Variants in MAP3K1 observed in about 807,000 individuals in gnomAD.
MAP3K1 encodes mitogen-activated protein kinase kinase kinase 1.
Under a neutral mutation model 144.2 loss-of-function variants are expected in MAP3K1, and 36 were observed. The ratio of observed to expected loss-of-function variants is 0.25; its 90% CI spans 0.19 to 0.33. The LOEUF (loss-of-function observed/expected upper bound fraction) is 0.33, where lower values mean the gene tolerates loss of function less well. Ranked by LOEUF, MAP3K1 falls within the 10% of genes least tolerant of loss-of-function variation. The pLI is 1.00. For synonymous variants in MAP3K1, 718 were observed against 688.7 expected (o/e 1.04, Z -0.67); for missense variants, 1,650 against 1,881.9 (o/e 0.88, Z 2.28).
chr5:56,816,768 C>CA (rs1745988314), intron 1 of MAP3K1, among the ~76,000 whole-genome samples: 13 of 152,210 alleles, frequency 8.5e-5, no homozygotes, highest in African/African-American at 3.1e-4. Flanking sequence ...TTAGGAAGTG[C>CA]GGTTTGTCTA....
rs575760766 is a variant in MAP3K1 at position 56,884,055 on chromosome 5, A to G, written c.3819+376A>G. The stretch of plus-strand genomic sequence containing the variant: ...TCCCAGCTACTCAGGAGGCTGAGAC[A>G]GAAGAATTGCTTGAACTCAGGAGGT... On this transcript the variant is annotated intron_variant, in intron 15 of 19. Coordinates refer to ENST00000399503, the MANE Select transcript of MAP3K1 (RefSeq NM_005921.2). Among the ~76,000 whole-genome samples, 4 of 152,296 alleles carry G rather than the reference A, an allele frequency of 2.6e-5. No individual in the cohort carries two copies. In the East Asian group the frequency reaches 7.7e-4, roughly 29 times the overall value.
In MAP3K1 at chr5:56,881,803, C is replaced by G; in HGVS notation, c.2603C>G (p.Ala868Gly). ...AIADEVEIAE[A>G]IQLGVEDTLD... ...GCAGATGAGGTGGAAATTGCCGAAGCCATCCAGTTGGGCGTAGAAGACACT... is the reference window on the plus strand; with the variant it reads ...GCAGATGAGGTGGAAATTGCCGAAGGCATCCAGTTGGGCGTAGAAGACACT... Residue 868 changes from alanine to glycine, a missense_variant, in exon 14 of 20, where the codon GCC (alanine) becomes GGC (glycine). Ala to Gly is a moderately conservative substitution (Grantham distance 60). Transcript: ENST00000399503. 1 of 1,614,122 alleles carries G rather than the reference C, an allele frequency of 6.2e-7. No homozygotes were observed. Among genetic ancestry groups the G allele is most frequent in the Non-Finnish European group, 8.5e-7 (1 of 1,180,016 alleles).
rs1581199927 is a variant in MAP3K1 at position 56,816,442 on chromosome 5, C to G, written c.482+387C>G. 1.3e-5 allele frequency among the ~76,000 whole-genome samples: 2 copies of G among 151,636 alleles called. 1 individual carries two copies. Among genetic ancestry groups the G allele is most frequent in the South Asian group, 4.2e-4 (2 of 4,808 alleles). ...GGCGGCGCCCCCGGACGGGTGTCCC[C>G]GGGGCAAAGGCACTGGGGGGCGAGG... is the stretch of plus-strand genomic sequence containing the variant. On this transcript the variant is annotated intron_variant, in intron 1 of 19. Coordinates refer to ENST00000399503, the MANE Select transcript of MAP3K1 (RefSeq NM_005921.2).
intron 1 of MAP3K1, among the ~76,000 whole-genome samples, chr5:56,828,110 C>T (rs1269559146): frequency 6.6e-6 from 1 of 152,146 alleles, no homozygotes; most frequent in African/African-American, 2.4e-5. Flanking sequence ...AGAGCCTCCC[C>T]CAAGGTTGCT....
intron 10 of MAP3K1, among the ~76,000 whole-genome samples, chr5:56,877,072 A>G (rs1261782804): frequency 2.6e-5 from 4 of 152,212 alleles, no homozygotes; most frequent in Non-Finnish European, 5.9e-5. Flanking sequence ...GTGAACCTAA[A>G]GGATCAAAGG....
intron 19 of MAP3K1, among the ~76,000 whole-genome samples, chr5:56,893,220 A>G (rs1561207369): frequency 6.6e-6 from 1 of 152,230 alleles, no homozygotes; most frequent in African/African-American, 2.4e-5. Flanking sequence ...GGACAGCAGA[A>G]TTCATTTGAG....
chr5:56,893,188 C>T (rs1748599608), intron 19 of MAP3K1, among the ~76,000 whole-genome samples: 1 of 152,064 alleles, frequency 6.6e-6, no homozygotes, highest in Admixed American at 6.5e-5. Flanking sequence ...TAAGAACAAA[C>T]CATCTCGGAG....
chr5:56,821,895 A>C lies in MAP3K1; in HGVS notation c.482+5840A>C, dbSNP rs191212959. ...AATGTTAACATGAATTAATTTTCCA[A>C]AAGTGGTTAAATTAGTATATCTGAA... is the stretch of plus-strand genomic sequence containing the variant. On this transcript the variant is annotated intron_variant, in intron 1 of 19. Transcript: ENST00000399503. Among the ~76,000 whole-genome samples, 45 of 152,350 alleles carry C rather than the reference A, an allele frequency of 3.0e-4. No individual in the cohort carries two copies. The East Asian group carries it at 6.9e-3, about 23-fold the overall frequency.
intron 1 of MAP3K1, among the ~76,000 whole-genome samples, chr5:56,837,742 G>C (rs1746695529): frequency 6.6e-6 from 1 of 152,196 alleles, no homozygotes; most frequent in Admixed American, 6.5e-5. Context: ...TTCTGCTGGG[G>C]CAGGAGACAT....
chr5:56,856,652 C>G lies in MAP3K1; in HGVS notation c.535C>G (p.Arg179Gly), dbSNP rs767390050. The G allele has an allele frequency of 1.2e-6, 2 of 1,613,836 alleles. No individual in the cohort carries two copies. Among genetic ancestry groups the G allele is most frequent in the South Asian group, 2.2e-5 (2 of 91,068 alleles). Residue 179 changes from arginine (R) to glycine (G), a missense_variant, in exon 2 of 20, where the codon CGT (arginine) becomes GGT (glycine). Coordinates refer to ENST00000399503, the MANE Select transcript of MAP3K1 (RefSeq NM_005921.2). ...TLKGLHKMDD[R>G]PEERMIREKL... is the part of the protein sequence containing the mutation. ...CAAAGGGTTGCACAAGATGGATGAT[C>G]GTCCAGAGGAACGAATGATCAGGGA...
At chr5:56,840,702 G>C (rs1746785811) in intron 1 of MAP3K1, among the ~76,000 whole-genome samples, 1 of 152,092 alleles carries the variant, frequency 6.6e-6, no homozygotes, top group Non-Finnish European at 1.5e-5. Flanking sequence ...TGTGGCTACA[G>C]AGAGCTCTGG....
chr5:56,820,300 C>G (rs1328829345), intron 1 of MAP3K1: 2 of 345,686 alleles, frequency 5.8e-6, no homozygotes, highest in African/African-American at 4.5e-5. Context: ...GATTCAATCC[C>G]AAGTCAGACT....
At chr5:56,843,690 C>T (rs537842554) in intron 1 of MAP3K1, among the ~76,000 whole-genome samples, 5 of 152,230 alleles carry the variant, frequency 3.3e-5, no homozygotes, top group African/African-American at 4.8e-5. Flanking sequence ...TCTGATGCCC[C>T]CTTCTCTTAG....
intron 12 of MAP3K1, 91 bp from the exon 13 acceptor site, chr5:56,880,992 T>A: frequency 2.6e-6 from 3 of 1,162,722 alleles, no homozygotes; most frequent in Non-Finnish European, 3.7e-6. Context: ...TTCAGAATAT[T>A]TTTGTTGGCC....
At chr5:56,859,202 A>ACACT (rs1008922246) in intron 2 of MAP3K1, among the ~76,000 whole-genome samples, 40 of 151,764 alleles carry the variant, frequency 2.6e-4, no homozygotes, top group African/African-American at 8.7e-4. Context: ...GTAAAGAAAC[A>ACACT]CACACACAAA....
chr5:56,885,324 ATTGT>A (rs1748347471), intron 16 of MAP3K1, among the ~76,000 whole-genome samples: 3 of 152,192 alleles, frequency 2.0e-5, no homozygotes, highest in East Asian at 1.9e-4. Context: ...TGATGAACAG[ATTGT>A]TTGGTTTAAC....
At chr5:56,882,928 C>T in intron 14 of MAP3K1, 62 bp downstream of exon 14, 1 of 1,322,426 alleles carries the variant, frequency 7.6e-7, no homozygotes, top group Non-Finnish European at 1.1e-6. Flanking sequence ...GTGACTCATA[C>T]CTGGAATTCC....
chr5:56,863,722 C>G lies in MAP3K1; in HGVS notation c.835-1012C>G, dbSNP rs558861601. 3.3e-5 allele frequency among the ~76,000 whole-genome samples: 5 copies of G among 152,306 alleles called. No homozygotes were observed. In the South Asian group the frequency reaches 1.0e-3, roughly 32 times the overall value. On this transcript the variant is annotated intron_variant, in intron 3 of 19. Transcript: ENST00000399503. ...GGAACTGCTATACTGTTTTCCAAAC[C>G]AGCTGCACATTTTACATTCTGCCAG...
chr5:56,815,769 C>T lies in MAP3K1; in HGVS notation c.196C>T (p.Arg66Trp), dbSNP rs1351743738. The T allele has an allele frequency of 2.1e-5, 30 of 1,401,656 alleles. No individual in the cohort carries two copies. The highest frequency in any genetic ancestry group is 2.7e-5 in the Non-Finnish European group (29 of 1,074,010). 86.8% of individuals were successfully genotyped at this position (1,401,656 alleles called of 1,614,324 possible). ...GCGGCGGCGGCAGCTGCGCAAAGTG[C>T]GGAGTGTGGAGCTGGACCAGCTGCC... Reference protein sequence around the residue: ...DWRRRQLRKVRSVELDQLPEQ... With the variant: ...DWRRRQLRKVWSVELDQLPEQ... Residue 66 changes from arginine to tryptophan, a missense_variant, in exon 1 of 20, where the codon CGG (arginine) becomes TGG (tryptophan). Physicochemically the swap from Arg to Trp is moderately radical, Grantham distance 101 (BLOSUM62 -3). Around this residue, in one of 6 missense-constraint regions of MAP3K1, gnomAD observed 360 missense variants for 274.7 expected, o/e 1.31. Coordinates refer to ENST00000399503, the MANE Select transcript of MAP3K1 (RefSeq NM_005921.2).
Sources: gnomAD v4.1 joint callset for allele counts (sites outside exome capture counted in the v4.1 genomes callset) on GRCh38, gnomAD v4.1.1 for gene constraint, gnomAD v4.1.1 regional missense constraint, MANE v1.5 for transcripts, NCBI Gene and HGNC (gene_info 2026-07-23, HGNC 2026-07-21) for gene names.